The following TTC7A variants were observed in gnomAD, a reference collection of about 807,000 sequenced individuals.
TTC7A encodes tetratricopeptide repeat domain 7A.
In TTC7A, 110 loss-of-function variants were observed where a neutral mutation model predicts 103.7. That is an observed-to-expected ratio of 1.06 (90% CI 0.91 to 1.24). The LOEUF (loss-of-function observed/expected upper bound fraction) is 1.24. TTC7A is among the 50% of genes most tolerant of loss of function. The pLI, the probability that TTC7A is intolerant of heterozygous loss-of-function variation, is 0.00. For synonymous variants in TTC7A, 521 were observed against 467.9 expected, an observed-to-expected ratio of 1.11 and a Z score of -1.47; for missense variants, 1,340 against 1,116.3, an observed-to-expected ratio of 1.20 and a Z score of -2.86.
At chr2:46,970,597 C>G (rs1258467359) in intron 3 of TTC7A, among the ~76,000 whole-genome samples, 1 of 152,226 alleles carries the variant, frequency 6.6e-6, no homozygotes, top group East Asian at 1.9e-4. Flanking sequence ...CTCCATGTCC[C>G]CTGGAATTGG....
chr2:46,950,379 G>A lies in TTC7A; in HGVS notation c.201G>A (p.Leu67=). The A allele has an allele frequency of 6.2e-7, 1 of 1,614,114 alleles. No homozygotes were observed. The highest frequency in any genetic ancestry group is 8.5e-7 in the Non-Finnish European group (1 of 1,180,018). ...GCTTTTCAGATGACTTTGGGAAATT[G>A]CTGCTGGCTGAGGCCCTCCTGGAGC... ...TFPDTDDFGK[L]LLAEALLEQC... The change falls in exon 2 of 20, where the codon TTG becomes TTA. Residue 67 remains leucine, a synonymous_variant. Transcript: ENST00000319190.
intron 19 of TTC7A, 151 bp downstream of exon 19, chr2:47,061,122 G>C: frequency 1.3e-6 from 1 of 785,614 alleles, no homozygotes; most frequent in Non-Finnish European, 2.0e-6. Context: ...CTTCCCTCCT[G>C]CTCTGTTGGA....
rs1216534757 is a variant in TTC7A at position 47,065,241 on chromosome 2, C to T, written c.2355+4270C>T. ...GGCGGAGCTTGCAATGAGCCAAGAT[C>T]ACGCCACTGCACTCCAGCCTGGGTG... On this transcript the variant is annotated intron_variant, in intron 19 of 19. Transcript: ENST00000319190. Among the ~76,000 whole-genome samples, 7 of 152,178 alleles carry T rather than the reference C, an allele frequency of 4.6e-5. No individual in the cohort carries two copies. In the East Asian group the frequency reaches 1.2e-3, roughly 25 times the overall value.
At chr2:46,927,202 T>C (rs141492830) in intron 2 of TTC7A, among the ~76,000 whole-genome samples, 1 of 151,528 alleles carries the variant, frequency 6.6e-6, no homozygotes, top group African/African-American at 2.4e-5. Flanking sequence ...TATCTAAAAA[T>C]TTTCCAGAAC....
chr2:46,918,750 C>A (rs577120010), intron 2 of TTC7A, among the ~76,000 whole-genome samples: 1 of 152,296 alleles, frequency 6.6e-6, no homozygotes, highest in East Asian at 1.9e-4. Context: ...AGAAATCTCA[C>A]GAGCAATATG....
intron 15 of TTC7A, among the ~76,000 whole-genome samples, chr2:47,042,708 A>G (rs1053947555): frequency 1.2e-4 from 17 of 139,108 alleles, no homozygotes; most frequent in African/African-American, 4.8e-4. Context: ...GTGTGTATAT[A>G]TATGTATAAA....
intron 8 of TTC7A, among the ~76,000 whole-genome samples, chr2:46,995,496 C>G (rs990019634): frequency 2.0e-5 from 3 of 152,200 alleles, no homozygotes; most frequent in South Asian, 4.1e-4. Context: ...TCAACAAGGT[C>G]ACAGTAAAAT....
intron 7 of TTC7A, 102 bp downstream of exon 7, chr2:46,994,616 TC>T: frequency 8.2e-7 from 1 of 1,224,076 alleles, no homozygotes; most frequent in Non-Finnish European, 1.2e-6. Context: ...TCCTCCAGTC[TC>T]CACTCAGCAC....
intron 2 of TTC7A, among the ~76,000 whole-genome samples, chr2:46,920,088 C>T (rs911404169): frequency 4.6e-5 from 7 of 152,262 alleles, no homozygotes; most frequent in Admixed American, 2.6e-4. Flanking sequence ...TTGTTTCTTC[C>T]GTCCCTGACT....
rs780757527 is a variant in TTC7A, at chr2:46,941,632, G to A, written c.91G>A (p.Glu31Lys). ...CGAGGGCCACTGGGACCGCATGCCG[G>A]AGCTGGTCCGGCAGCTGCAGACGCT... ...RAEGHWDRMP[E>K]LVRQLQTLSM... Residue 31 changes from glutamate (E) to lysine (K), a missense_variant, in exon 1 of 20, where the codon GAG (glutamate) becomes AAG (lysine). By Grantham distance (56) the Glu-to-Lys change is moderately conservative (BLOSUM62 1). Coordinates refer to ENST00000319190, the MANE Select transcript of TTC7A (RefSeq NM_020458.4). This position sits in a 1 kb window ranked among gnomAD's most constrained non-coding sequence, Gnocchi z 4.2. The A allele has an allele frequency of 1.3e-6, 2 of 1,554,498 alleles. No individual in the cohort carries two copies. The highest frequency in any genetic ancestry group is 1.7e-6 in the Non-Finnish European group (2 of 1,149,484).
chr2:47,044,535 G>C (rs1013519760), intron 15 of TTC7A, among the ~76,000 whole-genome samples: 1 of 152,164 alleles, frequency 6.6e-6, no homozygotes, highest in Non-Finnish European at 1.5e-5. Flanking sequence ...GGGGGATCCC[G>C]GTTTCTGCCC....
chr2:46,930,615 T>C (rs1669646048), intron 2 of TTC7A, among the ~76,000 whole-genome samples: 1 of 151,478 alleles, frequency 6.6e-6, no homozygotes, highest in African/African-American at 2.4e-5. Context: ...TTCTCCTGCC[T>C]CAGCCTCCCA....
chr2:47,035,834 G>A (rs1288900309), intron 15 of TTC7A, among the ~76,000 whole-genome samples: 1 of 152,216 alleles, frequency 6.6e-6, no homozygotes, highest in African/African-American at 2.4e-5. Flanking sequence ...GCGCCTGGGA[G>A]AAGGCCTGTG....
chr2:47,019,753 A>G (rs781170528), intron 11 of TTC7A, among the ~76,000 whole-genome samples: 1 of 152,172 alleles, frequency 6.6e-6, no homozygotes, highest in Non-Finnish European at 1.5e-5. Context: ...GCAGAAGGAC[A>G]TGGCCGTGTA....
intron 15 of TTC7A, among the ~76,000 whole-genome samples, chr2:47,045,756 T>C (rs753192342): frequency 7.2e-5 from 11 of 152,214 alleles, no homozygotes; most frequent in Non-Finnish European, 1.6e-4. Flanking sequence ...TAGGAGGCGT[T>C]GCTTGGGCAC....
At chr2:47,047,067 T>G in intron 16 of TTC7A, 1 of 570,678 alleles carries the variant, frequency 1.8e-6, no homozygotes. Context: ...TTGTCCAGGC[T>G]GAATCTGCAG....
intron 16 of TTC7A, chr2:47,047,287 C>T (rs989200470): frequency 1.3e-6 from 2 of 1,549,622 alleles, no homozygotes; most frequent in African/African-American, 2.7e-5. Context: ...GCCCAGAAGG[C>T]TTCCAGACTC....
chr2:47,070,593 T>G (rs988814449), intron 19 of TTC7A, among the ~76,000 whole-genome samples: 2 of 152,188 alleles, frequency 1.3e-5, no homozygotes, highest in African/African-American at 4.8e-5. Context: ...AAGCGTGACC[T>G]TGAGGCGGTT....
At position 46,995,131 on chromosome 2, in the gene TTC7A, T is replaced by G; in HGVS notation, c.1002-5T>G. 6.2e-7 allele frequency: 1 copy of G among 1,614,158 alleles called. No individual in the cohort carries two copies. Among genetic ancestry groups the G allele is most frequent in the Non-Finnish European group, 8.5e-7 (1 of 1,180,004 alleles). On this transcript the variant is annotated splice_region_variant and splice_polypyrimidine_tract_variant and intron_variant, in intron 7 of 19. Transcript: ENST00000319190. ...CTAGCCAGGCCTGTCATTGGTGTCT[T>G]TCAGCCTCTACTGCCCCAAGGACAA... is the stretch of plus-strand genomic sequence containing the variant.
Sources: gnomAD v4.1 joint callset for allele counts (sites outside exome capture counted in the v4.1 genomes callset) on GRCh38, gnomAD v4.1.1 for gene constraint, Gnocchi (gnomAD v3.1) non-coding constraint, MANE v1.5 for transcripts, NCBI Gene and HGNC (gene_info 2026-07-23, HGNC 2026-07-21) for gene names.